C14orf39: variants seen among roughly 807,000 people sequenced by gnomAD.
C14orf39 encodes the protein protein SIX6OS1.
C14orf39 carries 66 observed loss-of-function variants against 85.6 expected under a neutral mutation model. The observed-to-expected ratio is 0.77, with a 90% CI of 0.63 to 0.95. The LOEUF is 0.95. C14orf39 is among the 40% of genes least tolerant of loss of function. The pLI is 0.00. For missense variants in C14orf39, 735 were observed against 663.9 expected (o/e 1.11, Z -1.18); for synonymous variants, 242 against 214.0 (o/e 1.13, Z -1.14).
intron 1 of C14orf39, chr14:60,509,297 C>T (rs1411192329): frequency 9.8e-6 from 10 of 1,022,188 alleles, no homozygotes; most frequent in African/African-American, 3.1e-5. Context: ...TGCCCCAATC[C>T]GCCTCATCAA....
At position 60,515,515 on chromosome 14, in the gene C14orf39, G is replaced by A. The variant is rs889086633; in HGVS notation, c.-264C>T. Reference sequence around the variant, plus strand: ...CTCTCAAAACCGGGGGACCGAGACGGGGTTCAATTTAAACCTAGGTGGGAG... The same window carrying A: ...CTCTCAAAACCGGGGGACCGAGACGAGGTTCAATTTAAACCTAGGTGGGAG... On this transcript the variant is annotated 5_prime_UTR_variant, in exon 1 of 6. Coordinates refer to the C14orf39 transcript ENST00000556799. This position sits in a 1 kb window ranked among gnomAD's most constrained non-coding sequence, Gnocchi z 6.2. 1 of 151,834 alleles carries A rather than the reference G, an allele frequency of 6.6e-6. No individual in the cohort carries two copies. The highest frequency in any genetic ancestry group is 1.5e-5 in the Non-Finnish European group (1 of 67,898). The allele number at this position is 151,834 out of a possible 1,614,324, so 9.4% of individuals were successfully genotyped here.
intron 11 of C14orf39, among the ~76,000 whole-genome samples, chr14:60,464,831 T>C (rs983967912): frequency 9.2e-5 from 14 of 152,124 alleles, no homozygotes; most frequent in African/African-American, 2.9e-4. Flanking sequence ...AGTCACATTT[T>C]TGTGGTTACT....
At chr14:60,474,135 G>T (rs1052345179) in intron 5 of C14orf39, among the ~76,000 whole-genome samples, 1 of 152,214 alleles carries the variant, frequency 6.6e-6, no homozygotes, top group Admixed American at 6.5e-5. Flanking sequence ...TTCTAAGTTG[G>T]ATTCCTAGGT....
intron 4 of C14orf39, among the ~76,000 whole-genome samples, chr14:60,482,829 A>T (rs1892699287): frequency 6.6e-6 from 1 of 151,900 alleles, no homozygotes; most frequent in Non-Finnish European, 1.5e-5. Flanking sequence ...AGCAAGTTGC[A>T]GAATGAAGTG....
intron 1 of C14orf39, among the ~76,000 whole-genome samples, chr14:60,510,319 A>C (rs1893271612): frequency 1.3e-5 from 2 of 152,234 alleles, no homozygotes; most frequent in Non-Finnish European, 2.9e-5. Context: ...GCCTGGGCAC[A>C]GGCTCCTACT....
intron 7 of C14orf39, among the ~76,000 whole-genome samples, chr14:60,469,936 T>TG (rs1227021283): frequency 2.7e-5 from 4 of 150,226 alleles, no homozygotes; most frequent in South Asian, 2.1e-4. Context: ...GTAGTTTTTT[T>TG]TTTTTTTTTT....
rs924942613 is a variant in C14orf39, at chr14:60,436,069, A to T, written c.*776T>A. The stretch of plus-strand genomic sequence containing the variant: ...AGTTCATCAAATCTTAAATATCTTC[A>T]CTTAAGCTATATAATTAATTGACAA... On this transcript the variant is annotated 3_prime_UTR_variant, in exon 18 of 18. Coordinates refer to ENST00000321731, the MANE Select transcript of C14orf39 (RefSeq NM_174978.3). 6.6e-6 allele frequency: 1 copy of T among 152,164 alleles called. No homozygotes were observed. The highest frequency in any genetic ancestry group is 2.4e-5 in the African/African-American group (1 of 41,460). 9.4% of individuals were successfully genotyped at this position (152,164 alleles called of 1,614,324 possible). A position where few individuals can be genotyped will look rare whatever the true frequency, so the allele number is the denominator to read the frequency against.
At position 60,467,030 on chromosome 14, in the gene C14orf39, T is replaced by C; in HGVS notation, c.782A>G (p.Asp261Gly). 1 of 1,358,022 alleles carries C rather than the reference T, an allele frequency of 7.4e-7. No individual in the cohort carries two copies. The highest frequency in any genetic ancestry group is 1.8e-5 in the South Asian group (1 of 54,828). The allele number at this position is 1,358,022 out of a possible 1,614,324, so 84.1% of individuals were successfully genotyped here. The change falls in exon 10 of 18, where the codon GAT (aspartate) becomes GGT (glycine). Residue 261 changes from aspartate to glycine, a missense_variant. Coordinates refer to ENST00000321731, the MANE Select transcript of C14orf39 (RefSeq NM_174978.3). Reference sequence around the variant, plus strand: ...TTTATTCAATGTAAGTACATGCTCATCTTTTCCAAAAATTCTAAAGAGAAA... The same window carrying C: ...TTTATTCAATGTAAGTACATGCTCACCTTTTCCAAAAATTCTAAAGAGAAA... ...KELKERIFGK[D>G]EHVLTLNKTQ...
In C14orf39 at chr14:60,484,751, T is replaced by C; in HGVS notation, c.106+130A>G. The C allele has an allele frequency of 3.2e-6, 2 of 632,606 alleles. No individual in the cohort carries two copies. The highest frequency in any genetic ancestry group is 5.4e-6 in the Non-Finnish European group (2 of 367,420). 39.2% of individuals were successfully genotyped at this position (632,606 alleles called of 1,614,324 possible). A position where few individuals can be genotyped will look rare whatever the true frequency, so the allele number is the denominator to read the frequency against. ...TATTTCGTCTAGGGTAAATAGTTTA[T>C]TTGTCGCTAGAGAGAACTGACACAA... On this transcript the variant is annotated intron_variant, in intron 3 of 17. Coordinates refer to ENST00000321731, the MANE Select transcript of C14orf39 (RefSeq NM_174978.3). The surrounding 1 kb of genome is among the most constrained non-coding windows in gnomAD (Gnocchi z 4.2).
upstream of C14orf39, among the ~76,000 whole-genome samples, chr14:60,490,747 C>T (rs1220429280): frequency 1.3e-5 from 2 of 152,160 alleles, no homozygotes; most frequent in East Asian, 3.8e-4. Flanking sequence ...ACTCATACCA[C>T]AGATTTGGTA....
rs540913353 is a variant in C14orf39 at position 60,510,553 on chromosome 14, C to T, written c.-144+4842G>A. On this transcript the variant is annotated intron_variant, in intron 1 of 5. Transcript: ENST00000556799. The stretch of plus-strand genomic sequence containing the variant: ...TTTTCGTTTCCCGGAGTGTGGATCT[C>T]GATTAGCCAAACATTTTGCGGAAGA... Among the ~76,000 whole-genome samples the T allele has an allele frequency of 7.0e-4, 107 of 152,294 alleles. 1 individual carries two copies. The highest frequency in any genetic ancestry group is 9.6e-4 in the Non-Finnish European group (65 of 68,030).
intron 1 of C14orf39, among the ~76,000 whole-genome samples, chr14:60,506,444 G>T (rs1893204113): frequency 6.6e-6 from 1 of 152,172 alleles, no homozygotes; most frequent in South Asian, 2.1e-4. Context: ...TGGGGTGAGG[G>T]TCACCGCCTT....
chr14:60,444,203 C>T (rs980665052), intron 16 of C14orf39, among the ~76,000 whole-genome samples: 2 of 152,144 alleles, frequency 1.3e-5, no homozygotes, highest in East Asian at 1.9e-4. Context: ...ATGACTTTGA[C>T]GAGTTGATGG....
chr14:60,467,022 C>A lies in C14orf39; in HGVS notation c.790G>T (p.Val264Leu). 2.9e-6 allele frequency: 4 copies of A among 1,381,468 alleles called. No individual in the cohort carries two copies. Among genetic ancestry groups the A allele is most frequent in the Non-Finnish European group, 3.8e-6 (4 of 1,045,716 alleles). 85.6% of individuals were successfully genotyped at this position (1,381,468 alleles called of 1,614,324 possible). ...CTTTGAGTTTTATTCAATGTAAGTA[C>A]ATGCTCATCTTTTCCAAAAATTCTA... ...KERIFGKDEHVLTLNKTQSSQ... is the reference protein window; with the variant it reads ...KERIFGKDEHLLTLNKTQSSQ... The change falls in exon 10 of 18, where the codon GTA becomes TTA. Residue 264 changes from valine to leucine, a missense_variant. Coordinates refer to ENST00000321731, the MANE Select transcript of C14orf39 (RefSeq NM_174978.3).
chr14:60,500,403 G>T (rs1893125466), intron 1 of C14orf39, among the ~76,000 whole-genome samples: 1 of 152,156 alleles, frequency 6.6e-6, no homozygotes, highest in Non-Finnish European at 1.5e-5. Flanking sequence ...TTGGAAGTAT[G>T]TATCAATTGT....
At chr14:60,511,049 C>G (rs373345115) in intron 1 of C14orf39, 4 of 1,605,746 alleles carry the variant, frequency 2.5e-6, no homozygotes, top group Middle Eastern at 1.9e-4. Flanking sequence ...GGCTGTGTTA[C>G]GAGCTGTGAC....
At chr14:60,505,233 G>C (rs1019833789) in intron 1 of C14orf39, among the ~76,000 whole-genome samples, 2 of 152,126 alleles carry the variant, frequency 1.3e-5, no homozygotes, top group African/African-American at 4.8e-5. Context: ...ATGAAATAGT[G>C]CAATCTACCT....
chr14:60,437,287 G>T (rs1258837359), intron 17 of C14orf39, among the ~76,000 whole-genome samples: 1 of 151,858 alleles, frequency 6.6e-6, no homozygotes, highest in East Asian at 1.9e-4. Flanking sequence ...AGTATATAAA[G>T]AACTAGTATA....
intron 1 of C14orf39, among the ~76,000 whole-genome samples, chr14:60,508,769 T>A (rs1462657407): frequency 6.6e-6 from 1 of 152,208 alleles, no homozygotes; most frequent in Admixed American, 6.5e-5. Context: ...CATTTCAGTT[T>A]GGCCCAGTCC....
Sources: gnomAD v4.1 joint callset for allele counts (sites outside exome capture counted in the v4.1 genomes callset) on GRCh38, gnomAD v4.1.1 for gene constraint, Gnocchi (gnomAD v3.1) non-coding constraint, MANE v1.5 for transcripts, NCBI Gene and HGNC (gene_info 2026-07-23, HGNC 2026-07-21) for gene names.